The following ALK variants were observed in gnomAD, a reference collection of about 807,000 sequenced individuals.
ALK encodes the protein ALK tyrosine kinase receptor.
ALK carries 74 observed loss-of-function variants against 163.1 expected under a neutral mutation model. The observed-to-expected ratio is 0.45, with a 90% confidence interval of 0.38 to 0.55. The LOEUF (loss-of-function observed/expected upper bound fraction) is 0.55, where lower values mean the gene tolerates loss of function less well. Ranked by LOEUF, ALK falls within the 20% of genes least tolerant of loss-of-function variation. The pLI is 0.00. For synonymous variants in ALK, 960 were observed against 843.2 expected, an observed-to-expected ratio of 1.14 and a Z score of -2.40; for missense variants, 2,063 against 2,105.3, an observed-to-expected ratio of 0.98 and a Z score of 0.39.
chr2:29,462,889 CAA>C (rs1271189891), intron 4 of ALK, among the ~76,000 whole-genome samples: 1 of 151,992 alleles, frequency 6.6e-6, no homozygotes, highest in Non-Finnish European at 1.5e-5. Flanking sequence ...TGCTGTTAAC[CAA>C]AGACTTAGGA....
Position 29,700,475 on chromosome 2 carries a change from C to T in ALK, c.788-5461G>A, listed in dbSNP as rs543339096. ...AGGAGAATGGCTTGAACCCGGGAGG[C>T]GGAGGGTGCGGTGAGCCGAGACCCC... On this transcript the variant is annotated intron_variant, in intron 2 of 28. Transcript: ENST00000389048. 7.2e-5 allele frequency among the ~76,000 whole-genome samples: 11 copies of T among 152,132 alleles called. 1 individual carries two copies. The South Asian group carries it at 1.9e-3, about 26-fold the overall frequency.
chr2:29,530,323 A>G (rs66884141), intron 4 of ALK, among the ~76,000 whole-genome samples: 17,819 of 152,246 alleles, frequency 0.12, 1,376 homozygotes, highest in Non-Finnish European at 0.18. Context: ...TATTTTCCTG[A>G]CTATGCTACA....
At position 29,772,038 on chromosome 2, in the gene ALK, G is replaced by C. The variant is rs151292063; in HGVS notation, c.668-54341C>G. Among the ~76,000 whole-genome samples the C allele has an allele frequency of 5.4e-3, 824 of 152,306 alleles. 6 individuals carry two copies. Among genetic ancestry groups the C allele is most frequent in the African/African-American group, 0.019 (789 of 41,578 alleles). On this transcript the variant is annotated intron_variant, in intron 1 of 28. Transcript: ENST00000389048. ...AACCCACAGGGCAGCCAGATAAAGA[G>C]AATTCCCGAGATGAGGCAGATGGCA...
intron 4 of ALK, among the ~76,000 whole-genome samples, chr2:29,472,153 T>C (rs913328274): frequency 6.6e-6 from 1 of 152,240 alleles, no homozygotes; most frequent in East Asian, 1.9e-4. Flanking sequence ...TTAGCCTCTA[T>C]GGAGAGACTA....
At chr2:29,523,891 T>TTTG (rs1325467738) in intron 4 of ALK, among the ~76,000 whole-genome samples, 6 of 113,092 alleles carry the variant, frequency 5.3e-5, no homozygotes, top group South Asian at 3.1e-4. Context: ...TTTTTTTTTT[T>TTTG]ATGCCCATCA....
chr2:29,290,130 C>T (rs2148226218), intron 9 of ALK, among the ~76,000 whole-genome samples: 1 of 152,248 alleles, frequency 6.6e-6, no homozygotes, highest in East Asian at 1.9e-4. Context: ...AGGATGCTGT[C>T]TCGTGAAGTG....
Position 29,695,000 on chromosome 2 carries a change from A to C in ALK, c.802T>G (p.Phe268Val). The change falls in exon 3 of 29, where the codon TTT becomes GTT. Residue 268 changes from phenylalanine (F) to valine (V), a missense_variant. By Grantham distance (50) the Phe-to-Val change is conservative (BLOSUM62 -1). Coordinates refer to ENST00000389048, the MANE Select transcript of ALK (RefSeq NM_004304.5). ...HRSRYGLECS[F>V]DFPCELEYSP... ...TACTCCAGCTCACAGGGGAAGTCAA[A>C]GCTGCACTCCAGACCTGCAATAATA... is the stretch of plus-strand genomic sequence containing the variant. The C allele has an allele frequency of 6.2e-7, 1 of 1,614,032 alleles. No individual in the cohort carries two copies. The highest frequency in any genetic ancestry group is 8.5e-7 in the Non-Finnish European group (1 of 1,179,972).
chr2:29,439,856 T>C (rs953345501), intron 4 of ALK, among the ~76,000 whole-genome samples: 2 of 152,144 alleles, frequency 1.3e-5, no homozygotes, highest in African/African-American at 4.8e-5. Flanking sequence ...GAACATGGCC[T>C]GGCTGACACC....
chr2:29,685,219 C>T (rs1251708639), intron 3 of ALK, among the ~76,000 whole-genome samples: 1 of 152,112 alleles, frequency 6.6e-6, no homozygotes, highest in Non-Finnish European at 1.5e-5. Context: ...CTGCCTCCTC[C>T]AACCACCCTA....
intron 18 of ALK, among the ~76,000 whole-genome samples, chr2:29,226,107 C>T (rs1004964526): frequency 2.0e-5 from 3 of 151,738 alleles, no homozygotes; most frequent in Non-Finnish European, 2.9e-5. Flanking sequence ...ACTGGTGGGG[C>T]GGGGGAAGAG....
chr2:29,605,407 G>A (rs1215859080), intron 3 of ALK, among the ~76,000 whole-genome samples: 3 of 152,060 alleles, frequency 2.0e-5, no homozygotes, highest in Non-Finnish European at 4.4e-5. Flanking sequence ...GATTGAAAGG[G>A]GCCTTAAAAA....
intron 3 of ALK, among the ~76,000 whole-genome samples, chr2:29,674,576 C>T (rs1677815134): frequency 1.3e-5 from 2 of 150,860 alleles, no homozygotes; most frequent in Non-Finnish European, 3.0e-5. Flanking sequence ...ATTCGTTTTG[C>T]CAGTATTTTA....
chr2:29,306,641 CAATT>C (rs1197043869), intron 8 of ALK, among the ~76,000 whole-genome samples: 9 of 150,466 alleles, frequency 6.0e-5, no homozygotes, highest in African/African-American at 2.2e-4. Context: ...CCTTACCAGA[CAATT>C]AACAGTCGTG....
At chr2:29,579,618 T>A (rs182191902) in intron 3 of ALK, among the ~76,000 whole-genome samples, 45 of 152,330 alleles carry the variant, frequency 3.0e-4, no homozygotes, top group Admixed American at 1.3e-3. Context: ...CTCTGGGAAC[T>A]AACTCATCAT....
chr2:29,788,103 T>C (rs1002960816), intron 1 of ALK, among the ~76,000 whole-genome samples: 2 of 152,224 alleles, frequency 1.3e-5, no homozygotes, highest in African/African-American at 4.8e-5. Context: ...CTCTGTCTGC[T>C]CTTTAGCCTA....
intron 4 of ALK, among the ~76,000 whole-genome samples, chr2:29,461,241 A>T (rs1671077324): frequency 6.6e-6 from 1 of 152,208 alleles, no homozygotes; most frequent in African/African-American, 2.4e-5. Context: ...AAAAGTACAA[A>T]GTGAAGCAGC....
At position 29,285,130 on chromosome 2, in the gene ALK, C is replaced by T. The variant is rs1262971955; in HGVS notation, c.1818-9634G>A. Among the ~76,000 whole-genome samples, 3 of 152,230 alleles carry T rather than the reference C, an allele frequency of 2.0e-5. 1 individual carries two copies. Among genetic ancestry groups the T allele is most frequent in the African/African-American group, 7.2e-5 (3 of 41,468 alleles). ...GTTCTTCTCCTCCAGGTTCTTTCTT[C>T]ACGCTTTCTGAGCTTCACACTGAGG... is the stretch of plus-strand genomic sequence containing the variant. On this transcript the variant is annotated intron_variant, in intron 9 of 28. Transcript: ENST00000389048.
intron 7 of ALK, 137 bp downstream of exon 7, chr2:29,320,614 T>G: frequency 8.3e-7 from 1 of 1,207,460 alleles, no homozygotes; most frequent in South Asian, 1.2e-5. Context: ...GGGAATTGTG[T>G]GTGAACGCTC....
intron 4 of ALK, among the ~76,000 whole-genome samples, chr2:29,432,505 G>A (rs148903430): frequency 4.9e-4 from 74 of 152,138 alleles, no homozygotes; most frequent in African/African-American, 1.4e-3. Flanking sequence ...ATAAATTACC[G>A]TCTTAGGTAT....
Sources: gnomAD v4.1 joint callset for allele counts (sites outside exome capture counted in the v4.1 genomes callset) on GRCh38, gnomAD v4.1.1 for gene constraint, MANE v1.5 for transcripts, NCBI Gene and HGNC (gene_info 2026-07-23, HGNC 2026-07-21) for gene names.